Variants in FAM117B observed in about 807,000 individuals in gnomAD.
FAM117B encodes the protein protein FAM117B.
FAM117B carries 22 observed loss-of-function variants against 52.8 expected under a neutral mutation model. The observed-to-expected ratio is 0.42, with a 90% CI of 0.30 to 0.59. FAM117B has a LOEUF of 0.59. Among genes scored for constraint, FAM117B ranks in the 20% least tolerant of loss-of-function variants. The pLI is 0.22. For synonymous variants in FAM117B, 309 were observed against 324.1 expected, an observed-to-expected ratio of 0.95 and a Z score of 0.50; for missense variants, 678 against 802.6, an observed-to-expected ratio of 0.84 and a Z score of 1.88.
At chr2:202,764,703 A>C (rs1053543967) in intron 7 of FAM117B, among the ~76,000 whole-genome samples, 1 of 152,174 alleles carries the variant, frequency 6.6e-6, no homozygotes, top group African/African-American at 2.4e-5. Context: ...TTTAATTTTC[A>C]TGAAATACCA....
chr2:202,757,347 G>T lies in FAM117B; in HGVS notation c.1239G>T (p.Val413=). The T allele has an allele frequency of 6.2e-7, 1 of 1,614,084 alleles. No homozygotes were observed. The highest frequency in any genetic ancestry group is 8.5e-7 in the Non-Finnish European group (1 of 1,180,028). ...ACAACAGCAGCCGTTCCCAGTCCGTGTCCCCAACATCGTTCCTCACCATTT... is the reference window on the plus strand; with the variant it reads ...ACAACAGCAGCCGTTCCCAGTCCGTTTCCCCAACATCGTTCCTCACCATTT... ...GSNNSSRSQS[V]SPTSFLTISN... is the part of the protein sequence containing the mutation. Residue 413 remains valine (V), a synonymous_variant, in exon 6 of 8, where the codon GTG becomes GTT. Coordinates refer to ENST00000392238, the MANE Select transcript of FAM117B (RefSeq NM_173511.4).
chr2:202,737,322 C>T (rs1361637230), intron 4 of FAM117B, among the ~76,000 whole-genome samples: 2 of 152,030 alleles, frequency 1.3e-5, no homozygotes, highest in Non-Finnish European at 2.9e-5. Context: ...ATAAAATGGA[C>T]ATTTTTGATT....
chr2:202,716,068 C>T (rs187617362), intron 2 of FAM117B, among the ~76,000 whole-genome samples: 5 of 152,148 alleles, frequency 3.3e-5, no homozygotes, highest in African/African-American at 7.2e-5. Flanking sequence ...AGAGGGAGAC[C>T]GTGGAAAGGG....
intron 1 of FAM117B, among the ~76,000 whole-genome samples, chr2:202,644,064 G>GTTTGTTTGTTTT (rs1689816805): frequency 5.3e-5 from 5 of 95,138 alleles, no homozygotes; most frequent in African/African-American, 2.3e-4. Flanking sequence ...TTTTTTTTTT[G>GTTTGTTTGTTTT]TTTTTTTTTT....
chr2:202,645,141 A>T (rs1233089136), intron 1 of FAM117B, among the ~76,000 whole-genome samples: 8 of 152,050 alleles, frequency 5.3e-5, no homozygotes, highest in Non-Finnish European at 7.4e-5. Flanking sequence ...ATTTCAAAAT[A>T]TATTTTCTTT....
intron 7 of FAM117B, among the ~76,000 whole-genome samples, chr2:202,765,027 C>CG (rs1323959140): frequency 6.6e-6 from 1 of 152,076 alleles, no homozygotes; most frequent in Non-Finnish European, 1.5e-5. Context: ...CTATAGACCT[C>CG]GGAAAAATCA....
intron 1 of FAM117B, among the ~76,000 whole-genome samples, chr2:202,685,283 C>A (rs770602204): frequency 4.6e-5 from 7 of 152,260 alleles, no homozygotes; most frequent in Admixed American, 4.6e-4. Flanking sequence ...CTGTGCCTGG[C>A]CAATTATCTC....
intron 4 of FAM117B, among the ~76,000 whole-genome samples, chr2:202,739,182 C>A (rs1402867532): frequency 1.3e-4 from 20 of 152,054 alleles, no homozygotes; most frequent in Admixed American, 1.3e-3. Context: ...GAGTGAGACT[C>A]TTGTCTCAAA....
chr2:202,709,359 C>G (rs1234173319), intron 2 of FAM117B, among the ~76,000 whole-genome samples: 2 of 152,090 alleles, frequency 1.3e-5, no homozygotes, highest in Admixed American at 6.5e-5. Flanking sequence ...CCCGCCATCA[C>G]GCCCAGCTAA....
intron 2 of FAM117B, among the ~76,000 whole-genome samples, chr2:202,712,239 A>G (rs992041925): frequency 4.6e-5 from 7 of 152,070 alleles, no homozygotes; most frequent in Admixed American, 2.6e-4. Flanking sequence ...ACAGTTTTCA[A>G]TGAAGAGATC....
chr2:202,718,290 TG>T (rs1691089066), intron 2 of FAM117B, among the ~76,000 whole-genome samples: 1 of 152,212 alleles, frequency 6.6e-6, no homozygotes, highest in Non-Finnish European at 1.5e-5. Context: ...GTGGCCAAGC[TG>T]GTACCTAAGG....
chr2:202,727,495 T>C (rs1209322963), intron 4 of FAM117B, among the ~76,000 whole-genome samples: 2 of 151,916 alleles, frequency 1.3e-5, no homozygotes, highest in African/African-American at 4.8e-5. Flanking sequence ...AAAAATAGAA[T>C]AGAATATGTA....
At chr2:202,692,639 A>C (rs1690652683) in intron 1 of FAM117B, among the ~76,000 whole-genome samples, 2 of 152,330 alleles carry the variant, frequency 1.3e-5, no homozygotes, top group Admixed American at 6.5e-5. Context: ...CATATCATCA[A>C]ATCAATTGCA....
At chr2:202,686,819 G>T (rs1426737874) in intron 1 of FAM117B, among the ~76,000 whole-genome samples, 1 of 142,180 alleles carries the variant, frequency 7.0e-6, no homozygotes, top group Non-Finnish European at 1.6e-5. Flanking sequence ...AAAAAAAAAA[G>T]AGGTATTAGA....
At chr2:202,701,129 G>A (rs1690789950) in intron 2 of FAM117B, among the ~76,000 whole-genome samples, 1 of 152,198 alleles carries the variant, frequency 6.6e-6, no homozygotes, top group African/African-American at 2.4e-5. Flanking sequence ...TGCAGCTGGT[G>A]ACTTTAAGTT....
chr2:202,740,567 C>G (rs1195228554), intron 4 of FAM117B, among the ~76,000 whole-genome samples: 2 of 152,012 alleles, frequency 1.3e-5, no homozygotes, highest in Non-Finnish European at 2.9e-5. Flanking sequence ...TGCATCTTAA[C>G]CAGCTGCTGC....
intron 1 of FAM117B, among the ~76,000 whole-genome samples, chr2:202,684,990 ATTT>A (rs1000849731): frequency 6.8e-6 from 1 of 147,986 alleles, no homozygotes; most frequent in Admixed American, 6.8e-5. Context: ...CTCAAAAAAA[ATTT>A]TTTTTTTTTG....
chr2:202,676,001 A>G (rs1301633957), intron 1 of FAM117B, among the ~76,000 whole-genome samples: 2 of 151,946 alleles, frequency 1.3e-5, no homozygotes, highest in Non-Finnish European at 2.9e-5. Flanking sequence ...AAAAAAAAAA[A>G]AAAAGAATAT....
chr2:202,750,885 A>G (rs552634800), intron 4 of FAM117B, among the ~76,000 whole-genome samples: 2 of 152,304 alleles, frequency 1.3e-5, no homozygotes, highest in East Asian at 3.9e-4. Context: ...TTGAATAAAC[A>G]TGAAGGGGCA....
Sources: allele counts gnomAD v4.1 joint callset (sites outside exome capture counted in the v4.1 genomes callset), GRCh38; gene constraint gnomAD v4.1.1; transcripts MANE v1.5; gene names NCBI Gene and HGNC (gene_info 2026-07-23, HGNC 2026-07-21).